Variants in SEMA6D observed in about 807,000 individuals in gnomAD.
SEMA6D encodes semaphorin 6D.
A neutral mutation model predicts 106.6 loss-of-function variants in SEMA6D; 35 were observed. The ratio of observed to expected loss-of-function variants is 0.33; its 90% CI spans 0.25 to 0.44. The LOEUF is 0.44. Among genes scored for constraint, SEMA6D ranks in the 20% least tolerant of loss-of-function variants. The pLI is 1.00. For missense variants in SEMA6D, 1,185 were observed against 1,345.9 expected, an observed-to-expected ratio of 0.88 and a Z score of 1.87; for synonymous variants, 499 against 487.7, an observed-to-expected ratio of 1.02 and a Z score of -0.31.
intron 2 of SEMA6D, among the ~76,000 whole-genome samples, chr15:47,416,758 G>A (rs1327623325): frequency 1.3e-5 from 2 of 151,998 alleles, no homozygotes; most frequent in Admixed American, 6.6e-5. Context: ...GATTCTAGTA[G>A]GGTCTCTAAA....
chr15:47,221,932 A>G (rs1487758414), intron 1 of SEMA6D, among the ~76,000 whole-genome samples: 12 of 152,054 alleles, frequency 7.9e-5, no homozygotes, highest in Admixed American at 7.9e-4. Context: ...TATTTTATAT[A>G]TTTTCTGCAG....
chr15:47,589,475 C>G (rs1435458200), intron 3 of SEMA6D, among the ~76,000 whole-genome samples: 1 of 152,236 alleles, frequency 6.6e-6, no homozygotes, highest in Non-Finnish European at 1.5e-5. Flanking sequence ...TGTTTGCCCT[C>G]CCAGTGGTCC....
At chr15:47,278,537 C>T (rs541317113) in intron 1 of SEMA6D, among the ~76,000 whole-genome samples, 189 of 152,092 alleles carry the variant, frequency 1.2e-3, no homozygotes, top group Admixed American at 2.0e-3. Flanking sequence ...GAGTAGGTTG[C>T]GAAAATTTTC....
chr15:47,517,431 C>A (rs2044424512), intron 3 of SEMA6D, among the ~76,000 whole-genome samples: 1 of 152,000 alleles, frequency 6.6e-6, no homozygotes, highest in African/African-American at 2.4e-5. Context: ...ATTTGCTCCT[C>A]TCTATGCGTT....
chr15:47,765,676 G>T, intron 13 of SEMA6D, 193 bp from the exon 14 acceptor site: 1 of 588,628 alleles, frequency 1.7e-6, no homozygotes, highest in Non-Finnish European at 2.5e-6. Flanking sequence ...AAAACCCTTT[G>T]TCCAGCCTGA....
At chr15:47,648,572 G>A (rs963192045) in intron 4 of SEMA6D, among the ~76,000 whole-genome samples, 4 of 152,164 alleles carry the variant, frequency 2.6e-5, no homozygotes, top group African/African-American at 9.7e-5. Flanking sequence ...GTAATTGCTT[G>A]TTTTTGAAGG....
chr15:47,626,578 A>G (rs1018547838), intron 4 of SEMA6D, among the ~76,000 whole-genome samples: 1 of 152,198 alleles, frequency 6.6e-6, no homozygotes, highest in Non-Finnish European at 1.5e-5. Context: ...TATTTGACCA[A>G]GAAAACAAGA....
At chr15:47,215,258 C>A (rs62017399) in intron 1 of SEMA6D, among the ~76,000 whole-genome samples, 1 of 151,256 alleles carries the variant, frequency 6.6e-6, no homozygotes, top group Non-Finnish European at 1.5e-5. Context: ...AAGACTTTAA[C>A]GGAAAAAAGA....
At chr15:47,411,405 C>G (rs1369851786) in intron 1 of SEMA6D, among the ~76,000 whole-genome samples, 2 of 151,992 alleles carry the variant, frequency 1.3e-5, no homozygotes, top group Non-Finnish European at 2.9e-5. Flanking sequence ...GCATGCATGC[C>G]TGCCATTGAA....
intron 1 of SEMA6D, among the ~76,000 whole-genome samples, chr15:47,742,160 A>G (rs938044): frequency 0.95 from 144,772 of 152,332 alleles, 69,342 homozygotes; most frequent in African/African-American, 0.99. Flanking sequence ...AAAAGTGTAA[A>G]CGATGTCAGT....
At chr15:47,558,894 G>T (rs933783954) in intron 3 of SEMA6D, among the ~76,000 whole-genome samples, 1 of 152,022 alleles carries the variant, frequency 6.6e-6, no homozygotes, top group East Asian at 1.9e-4. Context: ...GAAGTGGAGT[G>T]AGTTGAAGTA....
At chr15:47,713,108 G>A (rs2079050630), upstream of SEMA6D, among the ~76,000 whole-genome samples, 1 of 152,048 alleles carries the variant, frequency 6.6e-6, no homozygotes, top group African/African-American at 2.4e-5. Context: ...TATTTCGCTT[G>A]GGCACTCAGT....
intron 1 of SEMA6D, among the ~76,000 whole-genome samples, chr15:47,745,762 C>T (rs1351891603): frequency 6.6e-6 from 1 of 152,256 alleles, no homozygotes; most frequent in Non-Finnish European, 1.5e-5. Context: ...TTATTATTCT[C>T]ATTCTTAGTT....
intron 4 of SEMA6D, among the ~76,000 whole-genome samples, chr15:47,601,133 AGTGT>A (rs558737690): frequency 1.4e-3 from 219 of 152,184 alleles, no homozygotes; most frequent in Admixed American, 2.0e-3. Context: ...AGAGAGAGAC[AGTGT>A]GTGTGTATCT....
At chr15:47,305,939 A>G (rs982921094) in intron 1 of SEMA6D, among the ~76,000 whole-genome samples, 1 of 152,174 alleles carries the variant, frequency 6.6e-6, no homozygotes, top group East Asian at 1.9e-4. Context: ...CCTACTTTGT[A>G]TCACAATAAA....
intron 1 of SEMA6D, among the ~76,000 whole-genome samples, chr15:47,331,551 A>T (rs971942388): frequency 6.6e-6 from 1 of 152,298 alleles, no homozygotes; most frequent in East Asian, 1.9e-4. Context: ...ATACAGTGTT[A>T]TATCATTTTT....
At chr15:47,577,111 A>C (rs1275933852) in intron 3 of SEMA6D, among the ~76,000 whole-genome samples, 1 of 152,240 alleles carries the variant, frequency 6.6e-6, no homozygotes, top group Non-Finnish European at 1.5e-5. Context: ...TTAGTAAGTG[A>C]AAAATGTTTG....
At chr15:47,246,014 T>G (rs759008261) in intron 1 of SEMA6D, among the ~76,000 whole-genome samples, 6 of 152,156 alleles carry the variant, frequency 3.9e-5, no homozygotes, top group Non-Finnish European at 7.4e-5. Context: ...CTCACGACCT[T>G]TCCCCTGTCT....
In SEMA6D at chr15:47,200,949, T is replaced by TAAAGC. The variant is rs770527862; in HGVS notation, c.-239+16531_-239+16532insAAAGC. 2.0e-5 allele frequency among the ~76,000 whole-genome samples: 3 copies of TAAAGC among 152,176 alleles called. No individual in the cohort carries two copies. The South Asian group carries it at 6.2e-4, about 32-fold the overall frequency. ...GTTTCACCAGAGCTGCGTGGTTTCTTTGAGTGTGCTTTAAGAGAGAGGGAG... is the reference window on the plus strand; with the variant it reads ...GTTTCACCAGAGCTGCGTGGTTTCTTAAAGCTGAGTGTGCTTTAAGAGAGAGGGAG... On this transcript the variant is annotated intron_variant, in intron 1 of 19. Transcript: ENST00000558014.
Sources: gnomAD v4.1 joint callset for allele counts (sites outside exome capture counted in the v4.1 genomes callset) on GRCh38, gnomAD v4.1.1 for gene constraint, MANE v1.5 for transcripts, NCBI Gene and HGNC (gene_info 2026-07-23, HGNC 2026-07-21) for gene names.